Variants in CFAP97D2 observed in about 807,000 individuals in gnomAD.
The protein encoded by CFAP97D2 is CFAP97 domain containing 2.
intron 2 of CFAP97D2, among the ~76,000 whole-genome samples, chr13:114,197,238 GAAATATGTC>G (rs1429210997): frequency 6.6e-6 from 1 of 152,192 alleles, no homozygotes; most frequent in African/African-American, 2.4e-5. Flanking sequence ...GGGCCATTTT[GAAATATGTC>G]AAATAAATAT....
rs1363264711 is a variant in CFAP97D2, at chr13:114,211,361, T to C, written c.291-551T>C. Among the ~76,000 whole-genome samples, 1 of 152,162 alleles carries C rather than the reference T, an allele frequency of 6.6e-6. No homozygotes were observed. Among genetic ancestry groups the C allele is most frequent in the African/African-American group, 2.4e-5 (1 of 41,446 alleles). On this transcript the variant is annotated intron_variant, in intron 3 of 4. Transcript: ENST00000646158. The surrounding 1 kb of genome is among the most constrained non-coding windows in gnomAD (Gnocchi z 4.2). ...CCTGTCCACAGGGGTCTTTCTCAAGTGCCTGCGGAGTCTGGTTTGAAGCCA... is the reference window on the plus strand; with the variant it reads ...CCTGTCCACAGGGGTCTTTCTCAAGCGCCTGCGGAGTCTGGTTTGAAGCCA...
chr13:114,202,257 G>T (rs1252349105), intron 3 of CFAP97D2, among the ~76,000 whole-genome samples: 1 of 152,166 alleles, frequency 6.6e-6, no homozygotes, highest in Non-Finnish European at 1.5e-5. Flanking sequence ...GCTGCAATCA[G>T]AGTTTATGTA....
At chr13:114,198,839 C>CTGAGGCGTGACAGTGG (rs2080901630) in intron 2 of CFAP97D2, among the ~76,000 whole-genome samples, 2 of 60,444 alleles carry the variant, frequency 3.3e-5, no homozygotes, top group Non-Finnish European at 2.7e-5. Flanking sequence ...CGTGACAGCG[C>CTGAGGCGTGACAGTGG]GTCCCCGTGT....
At chr13:114,206,925 T>C (rs1165882483) in intron 3 of CFAP97D2, among the ~76,000 whole-genome samples, 1 of 152,150 alleles carries the variant, frequency 6.6e-6, no homozygotes, top group Non-Finnish European at 1.5e-5. Flanking sequence ...GTCAGCTGGA[T>C]GTGTATGGAT....
At chr13:114,217,378 C>G (rs183982454) in intron 4 of CFAP97D2, among the ~76,000 whole-genome samples, 2 of 152,226 alleles carry the variant, frequency 1.3e-5, no homozygotes, top group East Asian at 3.9e-4. Flanking sequence ...GAAATTGAGG[C>G]AATAATAGCC....
At chr13:114,208,908 C>T (rs542423519) in intron 3 of CFAP97D2, among the ~76,000 whole-genome samples, 21 of 152,236 alleles carry the variant, frequency 1.4e-4, no homozygotes, top group African/African-American at 3.4e-4. Context: ...TTCTCCCTGC[C>T]GCCTCCAATA....
Position 114,207,056 on chromosome 13 carries a change from G to A in CFAP97D2, c.291-4856G>A, listed in dbSNP as rs2080943853. Among the ~76,000 whole-genome samples the A allele has an allele frequency of 6.6e-6, 1 of 152,178 alleles. No homozygotes were observed. The highest frequency in any genetic ancestry group is 2.4e-5 in the African/African-American group (1 of 41,448). On this transcript the variant is annotated intron_variant, in intron 3 of 4. Transcript: ENST00000646158. This position sits in a 1 kb window ranked among gnomAD's most constrained non-coding sequence, Gnocchi z 4.9. ...TGAGGGGATAAAAGAAAGAAGCTGT[G>A]GCCCTGGCACAGGCTGCCAAGCATC...
At chr13:114,216,681 A>C (rs2080994904) in intron 4 of CFAP97D2, among the ~76,000 whole-genome samples, 1 of 152,210 alleles carries the variant, frequency 6.6e-6, no homozygotes, top group Non-Finnish European at 1.5e-5. Context: ...TTCTTAATCC[A>C]GTCTGTCATT....
chr13:114,185,971 T>C lies in CFAP97D2; in HGVS notation c.90+6551T>C, dbSNP rs1389943754. 6.6e-6 allele frequency among the ~76,000 whole-genome samples: 1 copy of C among 152,206 alleles called. No homozygotes were observed. Among genetic ancestry groups the C allele is most frequent in the African/African-American group, 2.4e-5 (1 of 41,458 alleles). ...AGGGCCTGAAGCCTGGGGTTCCAGC[T>C]GCCTGTCCTGCAAGCCAGAGAGGGA... On this transcript the variant is annotated intron_variant, in intron 1 of 4. Transcript: ENST00000646158. The surrounding 1 kb of genome is among the most constrained non-coding windows in gnomAD (Gnocchi z 5.2).
At chr13:114,190,235 G>A (rs2080864428) in intron 1 of CFAP97D2, among the ~76,000 whole-genome samples, 1 of 151,990 alleles carries the variant, frequency 6.6e-6, no homozygotes, top group Non-Finnish European at 1.5e-5. Flanking sequence ...CAGGAACAAG[G>A]CACTCACCAC....
rs190777259 is a variant in CFAP97D2, at chr13:114,192,251, G to A, written c.91-4145G>A. Among the ~76,000 whole-genome samples, 13 of 152,268 alleles carry A rather than the reference G, an allele frequency of 8.5e-5. No individual in the cohort carries two copies. In the East Asian group the frequency reaches 1.7e-3, roughly 20 times the overall value. The stretch of plus-strand genomic sequence containing the variant: ...TTTTAGGTAATTATGATGTGTCAAT[G>A]TAGGTTCATCGATTGTAACAAACAT... On this transcript the variant is annotated intron_variant, in intron 1 of 4. Transcript: ENST00000646158.
chr13:114,200,868 C>T (rs1246627359), intron 3 of CFAP97D2, among the ~76,000 whole-genome samples: 1 of 152,186 alleles, frequency 6.6e-6, no homozygotes, highest in African/African-American at 2.4e-5. Context: ...GTACCCCAGC[C>T]CTGCTCATGC....
intron 3 of CFAP97D2, among the ~76,000 whole-genome samples, chr13:114,210,841 G>A (rs933358810): frequency 1.5e-4 from 21 of 143,008 alleles, no homozygotes; most frequent in African/African-American, 5.1e-4. Flanking sequence ...AATGAGAGAA[G>A]CACATTTCAT....
At chr13:114,205,395 G>A (rs1023422226) in intron 3 of CFAP97D2, among the ~76,000 whole-genome samples, 6 of 152,194 alleles carry the variant, frequency 3.9e-5, no homozygotes, top group Non-Finnish European at 7.3e-5. Flanking sequence ...TGATTTTTGT[G>A]TATTGATCTT....
At chr13:114,220,119 G>C (rs2081013655) in intron 4 of CFAP97D2, among the ~76,000 whole-genome samples, 2 of 152,144 alleles carry the variant, frequency 1.3e-5, no homozygotes, top group Non-Finnish European at 2.9e-5. Flanking sequence ...AATGCTAAGT[G>C]TTATGAGACC....
chr13:114,209,898 A>G (rs1383673775), intron 3 of CFAP97D2, among the ~76,000 whole-genome samples: 1 of 152,224 alleles, frequency 6.6e-6, no homozygotes, highest in Non-Finnish European at 1.5e-5. Flanking sequence ...TGACTGAACA[A>G]TCAAATGAGG....
At chr13:114,208,895 G>A (rs974806579) in intron 3 of CFAP97D2, among the ~76,000 whole-genome samples, 3 of 152,150 alleles carry the variant, frequency 2.0e-5, no homozygotes, top group African/African-American at 4.8e-5. Context: ...CACAAGATGC[G>A]AGTTCTCCCT....
intron 4 of CFAP97D2, among the ~76,000 whole-genome samples, chr13:114,215,471 T>A (rs2080989195): frequency 6.6e-6 from 1 of 152,200 alleles, no homozygotes; most frequent in Non-Finnish European, 1.5e-5. Flanking sequence ...CAGAAAGGGC[T>A]CTCTCAAGCT....
chr13:114,179,886 G>GGA lies in CFAP97D2; in HGVS notation c.90+467_90+468insAG, dbSNP rs1040186301. 6.6e-5 allele frequency among the ~76,000 whole-genome samples: 10 copies of GGA among 152,090 alleles called. No individual in the cohort carries two copies. The highest frequency in any genetic ancestry group is 2.2e-4 in the African/African-American group (9 of 41,400). ...GGCTAGTCTTGAACTCCTGATTTCA[G>GGA]GTGATCCACCTGCCTCAGCCTCCCA... On this transcript the variant is annotated intron_variant, in intron 1 of 4. Transcript: ENST00000646158. The surrounding 1 kb of genome is among the most constrained non-coding windows in gnomAD (Gnocchi z 4.8).
Sources: allele counts gnomAD v4.1 joint callset (sites outside exome capture counted in the v4.1 genomes callset), GRCh38; gene constraint gnomAD v4.1.1; non-coding constraint Gnocchi (gnomAD v3.1); transcripts MANE v1.5; gene names NCBI Gene and HGNC (gene_info 2026-07-23, HGNC 2026-07-21).